Variants in PML observed in about 807,000 individuals in gnomAD.
PML encodes the protein PML nuclear body scaffold.
PML carries 28 observed loss-of-function variants against 65.2 expected under a neutral mutation model. The ratio of observed to expected loss-of-function variants is 0.43; its 90% CI spans 0.32 to 0.59. The LOEUF (loss-of-function observed/expected upper bound fraction) is 0.59, where lower values mean the gene tolerates loss of function less well. PML is among the 20% of genes least tolerant of loss of function. The probability of loss-of-function intolerance (pLI) is 0.08; values close to 1 mark genes in which losing one functional copy is unlikely to be tolerated. For synonymous variants in PML, 500 were observed against 508.8 expected (o/e 0.98, Z 0.23); for missense variants, 1,021 against 1,203.4 (o/e 0.85, Z 2.24).
intron 4 of PML, chr15:74,031,140 T>C: frequency 3.2e-6 from 1 of 313,448 alleles, no homozygotes; most frequent in Non-Finnish European, 6.4e-6. Context: ...GTCAGTCCCA[T>C]TTCCCCCTCC....
intron 6 of PML, 183 bp downstream of exon 6, chr15:74,033,597 G>A: frequency 1.3e-6 from 1 of 749,600 alleles, no homozygotes; most frequent in Non-Finnish European, 2.3e-6. Context: ...TTTACCATGT[G>A]TTTTGCCATG....
chr15:74,012,484 A>G (rs2070379541), intron 2 of PML, among the ~76,000 whole-genome samples: 1 of 149,384 alleles, frequency 6.7e-6, no homozygotes, highest in Non-Finnish European at 1.5e-5. Context: ...ATTTTTTTGT[A>G]TTTTTAGTAG....
chr15:74,033,129 C>A, intron 5 of PML, 27 bp from the exon 6 acceptor site: 2 of 1,613,626 alleles, frequency 1.2e-6, no homozygotes, highest in South Asian at 2.2e-5. Context: ...AGGCACCTGA[C>A]CTGGCTCTGT....
chr15:74,005,019 T>C (rs1191792850), intron 2 of PML, among the ~76,000 whole-genome samples: 1 of 152,032 alleles, frequency 6.6e-6, no homozygotes, highest in Non-Finnish European at 1.5e-5. Flanking sequence ...GCCATACTTT[T>C]TAATATACTG....
rs367974518 is a variant in PML, at chr15:74,024,974, G to A, written c.1254+47G>A. ...AAGGGGTGGTGGTGGGGCCCAGCAG[G>A]TCAGGCAGGTTGTGAGTCCTGCTGT... On this transcript the variant is annotated intron_variant, in intron 4 of 8. Coordinates refer to ENST00000268058, the MANE Select transcript of PML (RefSeq NM_033238.3). 91 of 1,335,380 alleles carry A rather than the reference G, an allele frequency of 6.8e-5. 2 individuals carry two copies. Among genetic ancestry groups the A allele is most frequent in the African/African-American group, 1.4e-5 (1 of 69,390 alleles). The allele number at this position is 1,335,380 out of a possible 1,614,324, so 82.7% of individuals were successfully genotyped here. A position where few individuals can be genotyped will look rare whatever the true frequency, so the allele number is the denominator to read the frequency against.
In PML at chr15:74,045,072, C is replaced by A; in HGVS notation, c.*64C>A. Reference sequence around the variant, plus strand: ...AGAGGGATGGGGTCCCTGAGCCAGGCCCCACCCATCACAGCATTCCCAGGT... The same window carrying A: ...AGAGGGATGGGGTCCCTGAGCCAGGACCCACCCATCACAGCATTCCCAGGT... On this transcript the variant is annotated 3_prime_UTR_variant, in exon 9 of 9. Transcript: ENST00000268058. The A allele has an allele frequency of 7.1e-7, 1 of 1,408,272 alleles. No homozygotes were observed. Among genetic ancestry groups the A allele is most frequent in the Non-Finnish European group, 9.6e-7 (1 of 1,041,368 alleles). The allele number at this position is 1,408,272 out of a possible 1,614,324, so 87.2% of individuals were successfully genotyped here.
rs2071775248 is a variant in PML at position 74,046,759 on chromosome 15, G to A, written c.*1751G>A. 1 of 231,548 alleles carries A rather than the reference G, an allele frequency of 4.3e-6. No homozygotes were observed. 14.3% of individuals were successfully genotyped at this position (231,548 alleles called of 1,614,324 possible). A position where few individuals can be genotyped will look rare whatever the true frequency, so the allele number is the denominator to read the frequency against. ...CACTGTCACAGCCTTTAATAAAGAT[G>A]TGAATCTTGAAAGCCTGATGCTCCA... On this transcript the variant is annotated 3_prime_UTR_variant, in exon 9 of 9. Coordinates refer to ENST00000268058, the MANE Select transcript of PML (RefSeq NM_033238.3).
chr15:74,032,845 CCTT>C (rs2071383419), intron 5 of PML, 130 bp downstream of exon 5: 1 of 970,896 alleles, frequency 1.0e-6, no homozygotes, highest in Non-Finnish European at 1.6e-6. Context: ...TTGCTCAACG[CCTT>C]CTCTGTGCTC....
Position 73,998,153 on chromosome 15 carries a change from G to T in PML, c.279G>T (p.Ala93=). The change falls in exon 2 of 9, where the codon GCG becomes GCT. Residue 93 remains alanine, a synonymous_variant. Transcript: ENST00000268058. ...ASGMQCPICQ[A]PWPLGADTPA... is the part of the protein sequence containing the mutation. The stretch of plus-strand genomic sequence containing the variant: ...GCATGCAGTGCCCCATCTGCCAGGC[G>T]CCCTGGCCCCTAGGTGCAGACACAC... 1.2e-6 allele frequency: 2 copies of T among 1,614,168 alleles called. No individual in the cohort carries two copies. Among genetic ancestry groups the T allele is most frequent in the Non-Finnish European group, 1.7e-6 (2 of 1,180,024 alleles).
At chr15:74,008,589 A>T (rs1415196157) in intron 2 of PML, among the ~76,000 whole-genome samples, 1 of 151,646 alleles carries the variant, frequency 6.6e-6, no homozygotes, top group Admixed American at 6.6e-5. Context: ...ATACAAAAAA[A>T]TTAGCCGGGC....
intron 2 of PML, among the ~76,000 whole-genome samples, chr15:74,022,107 G>A (rs527415175): frequency 2.0e-5 from 3 of 152,210 alleles, no homozygotes; most frequent in South Asian, 2.1e-4. Flanking sequence ...ACAGGCATGC[G>A]GCAACACACC....
At chr15:74,027,059 A>G (rs1340441018) in intron 4 of PML, 7 of 152,246 alleles carry the variant, frequency 4.6e-5, no homozygotes, top group Admixed American at 4.6e-4. Flanking sequence ...GTAGGATAAT[A>G]CCAGATACAC....
At chr15:74,026,563 C>T (rs562051820) in intron 4 of PML, 2 of 152,272 alleles carry the variant, frequency 1.3e-5, no homozygotes, top group East Asian at 1.9e-4. Context: ...GTGCATAATA[C>T]AATCACATAG....
At chr15:74,010,656 C>CG (rs1392925538) in intron 2 of PML, among the ~76,000 whole-genome samples, 12 of 152,072 alleles carry the variant, frequency 7.9e-5, no homozygotes, top group African/African-American at 2.9e-4. Context: ...TATTTCATGA[C>CG]TGGTGTTATG....
At chr15:74,007,111 C>T (rs947554492) in intron 2 of PML, among the ~76,000 whole-genome samples, 18 of 152,220 alleles carry the variant, frequency 1.2e-4, no homozygotes, top group African/African-American at 4.1e-4. Flanking sequence ...TTTCCATCTT[C>T]GTGGCTGTAA....
intron 2 of PML, among the ~76,000 whole-genome samples, chr15:74,006,029 T>G (rs2070029359): frequency 6.6e-6 from 1 of 152,074 alleles, no homozygotes; most frequent in South Asian, 2.1e-4. Context: ...AAAAAAACCT[T>G]TTGTCTGTAC....
chr15:74,021,089 G>A (rs539536935), intron 2 of PML, among the ~76,000 whole-genome samples: 1 of 152,300 alleles, frequency 6.6e-6, no homozygotes, highest in South Asian at 2.1e-4. Flanking sequence ...ACTACAGTTT[G>A]CATCTAGACT....
chr15:74,015,487 C>G (rs977094569), intron 2 of PML, among the ~76,000 whole-genome samples: 1 of 152,228 alleles, frequency 6.6e-6, no homozygotes, highest in African/African-American at 2.4e-5. Context: ...GGTACCAGCT[C>G]TCCTTCACTG....
intron 2 of PML, among the ~76,000 whole-genome samples, chr15:74,015,152 A>G (rs983276910): frequency 6.6e-6 from 1 of 152,010 alleles, no homozygotes; most frequent in Non-Finnish European, 1.5e-5. Flanking sequence ...CTCCAACACT[A>G]CCTTCTCAGC....
Sources: allele counts gnomAD v4.1 joint callset (sites outside exome capture counted in the v4.1 genomes callset), GRCh38; gene constraint gnomAD v4.1.1; transcripts MANE v1.5; gene names NCBI Gene and HGNC (gene_info 2026-07-23, HGNC 2026-07-21).